Variants in KCNT2 observed in about 807,000 individuals in gnomAD.
KCNT2 encodes the protein potassium sodium-activated channel subfamily T member 2, also known as potassium channel subfamily T member 2.
In KCNT2, 67 loss-of-function variants were observed where a neutral mutation model predicts 153.8. The observed-to-expected ratio is 0.44, with a 90% confidence interval of 0.36 to 0.53. KCNT2 has a LOEUF of 0.53. KCNT2 is among the 20% of genes least tolerant of loss of function. The pLI is 0.00. For synonymous variants in KCNT2, 500 were observed against 458.8 expected (o/e 1.09, Z -1.15); for missense variants, 975 against 1,354.8 (o/e 0.72, Z 4.40).
At chr1:196,231,406 C>G (rs1201307704) in intron 27 of KCNT2, among the ~76,000 whole-genome samples, 4 of 151,780 alleles carry the variant, frequency 2.6e-5, no homozygotes, top group African/African-American at 4.8e-5. Flanking sequence ...TCTTGAGCAC[C>G]TGTAGGAAAC....
At chr1:196,574,112 G>T (rs917990666) in intron 1 of KCNT2, among the ~76,000 whole-genome samples, 2 of 151,704 alleles carry the variant, frequency 1.3e-5, no homozygotes, top group Admixed American at 6.6e-5. Flanking sequence ...CTTTTTCTGA[G>T]AATCAATTAT....
At chr1:196,353,068 C>G (rs1284196075) in intron 14 of KCNT2, among the ~76,000 whole-genome samples, 2 of 151,822 alleles carry the variant, frequency 1.3e-5, no homozygotes, top group African/African-American at 4.8e-5. Flanking sequence ...TCTTTTTAAA[C>G]TATCGGTTGT....
intron 12 of KCNT2, among the ~76,000 whole-genome samples, chr1:196,402,463 G>A (rs74136537): frequency 0.02 from 3,038 of 151,504 alleles, 91 homozygotes; most frequent in African/African-American, 0.069. Context: ...ATGATATAAA[G>A]CTCACTATGA....
chr1:196,393,422 A>C (rs1670654202), intron 13 of KCNT2, among the ~76,000 whole-genome samples: 1 of 151,572 alleles, frequency 6.6e-6, no homozygotes, highest in Non-Finnish European at 1.5e-5. Context: ...TTCACCTCCC[A>C]CTGATTTTCT....
intron 1 of KCNT2, among the ~76,000 whole-genome samples, chr1:196,595,876 T>C (rs960548161): frequency 1.3e-5 from 2 of 151,872 alleles, no homozygotes; most frequent in African/African-American, 2.4e-5. Context: ...AAGTCCATTA[T>C]ATCACTCGTA....
chr1:196,396,904 AAGGG>A (rs1231608336), intron 13 of KCNT2, among the ~76,000 whole-genome samples: 1 of 151,440 alleles, frequency 6.6e-6, no homozygotes, highest in African/African-American at 2.4e-5. Context: ...CGGCGTGCTA[AAGGG>A]AGAAAGAACT....
At chr1:196,410,804 T>C (rs1045250721) in intron 12 of KCNT2, among the ~76,000 whole-genome samples, 3 of 151,738 alleles carry the variant, frequency 2.0e-5, no homozygotes, top group African/African-American at 7.2e-5. Context: ...GTCAAGCTTT[T>C]CCTCTGTTTC....
chr1:196,491,937 A>G (rs1440528629), intron 2 of KCNT2, among the ~76,000 whole-genome samples: 1 of 152,042 alleles, frequency 6.6e-6, no homozygotes, highest in Non-Finnish European at 1.5e-5. Flanking sequence ...ATTTAGAGTT[A>G]AAATGGAAGG....
At chr1:196,300,365 T>C (rs1356293512) in intron 22 of KCNT2, among the ~76,000 whole-genome samples, 3 of 152,188 alleles carry the variant, frequency 2.0e-5, no homozygotes, top group African/African-American at 7.2e-5. Context: ...ATTCAGGACA[T>C]GCTACTCCAA....
chr1:196,497,899 A>G (rs1680382210), intron 1 of KCNT2, among the ~76,000 whole-genome samples: 1 of 152,136 alleles, frequency 6.6e-6, no homozygotes, highest in Non-Finnish European at 1.5e-5. Flanking sequence ...TTTCTTCTAC[A>G]GTAATAATGA....
intron 25 of KCNT2, among the ~76,000 whole-genome samples, chr1:196,277,113 A>C (rs1558092103): frequency 1.3e-5 from 2 of 152,048 alleles, no homozygotes; most frequent in Non-Finnish European, 2.9e-5. Flanking sequence ...CTAATTCTCT[A>C]ATTTTATCTT....
At chr1:196,375,772 A>G (rs1366745900) in intron 13 of KCNT2, among the ~76,000 whole-genome samples, 1 of 151,830 alleles carries the variant, frequency 6.6e-6, no homozygotes, top group Non-Finnish European at 1.5e-5. Flanking sequence ...GTACTGGATC[A>G]GAGAAAATAA....
At chr1:196,494,422 C>T (rs975320166) in intron 1 of KCNT2, among the ~76,000 whole-genome samples, 4 of 151,952 alleles carry the variant, frequency 2.6e-5, no homozygotes, top group Non-Finnish European at 5.9e-5. Flanking sequence ...TTTTTGGTGA[C>T]GGAGTCTGGC....
At chr1:196,549,520 G>A (rs992905963) in intron 1 of KCNT2, among the ~76,000 whole-genome samples, 3 of 151,660 alleles carry the variant, frequency 2.0e-5, no homozygotes, top group African/African-American at 7.3e-5. Flanking sequence ...TTCATCTCTG[G>A]TCGGCTTGTG....
At chr1:196,332,882 T>C (rs1160114777) in intron 17 of KCNT2, among the ~76,000 whole-genome samples, 1 of 151,696 alleles carries the variant, frequency 6.6e-6, no homozygotes, top group Non-Finnish European at 1.5e-5. Context: ...CCTCCTGCGT[T>C]CAAGTGATTC....
intron 13 of KCNT2, 90 bp downstream of exon 13, chr1:196,398,473 T>C: frequency 1.6e-6 from 1 of 609,818 alleles, no homozygotes; most frequent in African/African-American, 1.9e-5. Flanking sequence ...TTGAATACTT[T>C]AAGTTGCCAC....
At chr1:196,265,051 T>G (rs1657405414) in intron 25 of KCNT2, among the ~76,000 whole-genome samples, 1 of 152,304 alleles carries the variant, frequency 6.6e-6, no homozygotes, top group South Asian at 2.1e-4. Context: ...AGCCTCATTA[T>G]ATGAGTTGTA....
At chr1:196,408,470 T>G (rs1672016588) in intron 12 of KCNT2, among the ~76,000 whole-genome samples, 1 of 151,626 alleles carries the variant, frequency 6.6e-6, no homozygotes, top group Non-Finnish European at 1.5e-5. Context: ...AGAAAACACT[T>G]TCAAAGTCCA....
rs1659585922 is a variant in KCNT2, at chr1:196,285,638, A to G, written c.2697+19T>C. 2.1e-6 allele frequency: 3 copies of G among 1,460,656 alleles called. No homozygotes were observed. In the South Asian group the frequency reaches 3.6e-5, roughly 18 times the overall value. 90.5% of individuals were successfully genotyped at this position (1,460,656 alleles called of 1,614,324 possible). A position where few individuals can be genotyped will look rare whatever the true frequency, so the allele number is the denominator to read the frequency against. ...AGAAAACAACCATTTTAGAGAAAAT[A>G]AAAAGAAATATTGTATACCTGATAC... is the stretch of plus-strand genomic sequence containing the variant. On this transcript the variant is annotated intron_variant, in intron 23 of 27. Transcript: ENST00000294725.
Sources: allele counts gnomAD v4.1 joint callset (sites outside exome capture counted in the v4.1 genomes callset), GRCh38; gene constraint gnomAD v4.1.1; transcripts MANE v1.5; gene names NCBI Gene and HGNC (gene_info 2026-07-23, HGNC 2026-07-21).